Variants in C4orf51 observed in about 807,000 individuals in gnomAD.
The protein encoded by C4orf51 is uncharacterized protein C4orf51.
Under a neutral mutation model 25.2 loss-of-function variants are expected in C4orf51, and 25 were observed. That is an observed-to-expected ratio of 0.99 (90% CI 0.72 to 1.39). C4orf51 has a LOEUF of 1.39. Ranked by LOEUF, C4orf51 falls within the 40% of genes most tolerant of loss-of-function variation. The probability of loss-of-function intolerance (pLI) is 0.00; values close to 1 mark genes in which losing one functional copy is unlikely to be tolerated. For missense variants in C4orf51, 252 were observed against 239.6 expected (o/e 1.05, Z -0.34); for synonymous variants, 100 against 84.5 (o/e 1.18, Z -1.01).
chr4:145,716,087 C>A (rs143468273), intron 2 of C4orf51, among the ~76,000 whole-genome samples: 108 of 152,332 alleles, frequency 7.1e-4, no homozygotes, highest in African/African-American at 2.5e-3. Flanking sequence ...ATAACCCCCC[C>A]AAATTATCTA....
At chr4:145,749,096 T>G (rs1201043829) in intron 1 of C4orf51, among the ~76,000 whole-genome samples, 1 of 149,494 alleles carries the variant, frequency 6.7e-6, no homozygotes, top group East Asian at 1.9e-4. Context: ...TGTATATATA[T>G]TTCAAATTGT....
chr4:145,742,162 C>G (rs74669523), intron 1 of C4orf51, among the ~76,000 whole-genome samples: 6,237 of 152,266 alleles, frequency 0.041, 419 homozygotes, highest in African/African-American at 0.14. Context: ...CAATGGCCAT[C>G]AAATTGATAC....
intron 1 of C4orf51, among the ~76,000 whole-genome samples, chr4:145,751,564 G>A (rs980496591): frequency 6.6e-6 from 1 of 152,178 alleles, no homozygotes; most frequent in African/African-American, 2.4e-5. Flanking sequence ...CTACCACTGG[G>A]ACTACACTGG....
At chr4:145,739,708 T>C (rs768621107) in intron 1 of C4orf51, among the ~76,000 whole-genome samples, 18 of 152,212 alleles carry the variant, frequency 1.2e-4, no homozygotes, top group Non-Finnish European at 2.6e-4. Context: ...GAGAGCTTTT[T>C]CCTCTACTTC....
In C4orf51 at chr4:145,765,716, G is replaced by A. The variant is rs140573202; in HGVS notation, n.167-5272G>A. On this transcript the variant is annotated intron_variant and non_coding_transcript_variant, in intron 1 of 1. Coordinates refer to the C4orf51 transcript ENST00000510096. This position sits in a 1 kb window ranked among gnomAD's most constrained non-coding sequence, Gnocchi z 4.7. ...AGGATGAAGAGGGGCTATTTGATTC[G>A]CTGGGGGTCTTCCTGTCTTCCCCTG... The A allele has an allele frequency of 2.9e-5, 46 of 1,613,824 alleles. No homozygotes were observed. The African/African-American group carries it at 3.6e-4, about 13-fold the overall frequency.
intron 1 of C4orf51, among the ~76,000 whole-genome samples, chr4:145,683,028 C>T (rs367829077): frequency 3.3e-5 from 5 of 151,540 alleles, no homozygotes; most frequent in South Asian, 2.1e-4. Context: ...AAAAAAATCC[C>T]GGAACTAATA....
At chr4:145,736,705 C>T (rs115820993), downstream of C4orf51, among the ~76,000 whole-genome samples, 177 of 152,298 alleles carry the variant, frequency 1.2e-3, no homozygotes, top group African/African-American at 4.1e-3. Flanking sequence ...GAGCCTGAAG[C>T]GTTGCCAGTG....
At chr4:145,724,334 A>C (rs1172213610) in intron 2 of C4orf51, among the ~76,000 whole-genome samples, 1 of 152,156 alleles carries the variant, frequency 6.6e-6, no homozygotes, top group Admixed American at 6.5e-5. Context: ...GCTATGAAAA[A>C]GTGGGTTTTT....
At chr4:145,685,465 C>T (rs1256439306) in intron 1 of C4orf51, among the ~76,000 whole-genome samples, 1 of 152,178 alleles carries the variant, frequency 6.6e-6, no homozygotes, top group Admixed American at 6.5e-5. Context: ...CCTCAGTGAG[C>T]AATTCCTGTC....
At chr4:145,789,580 T>C in the C4orf51 span, among the ~76,000 whole-genome samples, 1 of 152,190 alleles carries the variant, frequency 6.6e-6, no homozygotes, top group Non-Finnish European at 1.5e-5. Flanking sequence ...GCAAAAACAG[T>C]ATCAGGCTCA....
chr4:145,721,672 T>C (rs914076733), intron 2 of C4orf51, among the ~76,000 whole-genome samples: 2 of 152,330 alleles, frequency 1.3e-5, no homozygotes, highest in South Asian at 2.1e-4. Flanking sequence ...CAAGGGAACA[T>C]TGGCAGCCAA....
At position 145,729,462 on chromosome 4, in the gene C4orf51, C is replaced by T. The variant is rs549809467; in HGVS notation, c.427+233C>T. On this transcript the variant is annotated intron_variant, in intron 4 of 5. Transcript: ENST00000438731. ...GACTACCGGCGCCCGCCACCACACC[C>T]GGCTAATTTTTTGTATTTTTAGTAG... 2.5e-3 allele frequency among the ~76,000 whole-genome samples: 378 copies of T among 151,902 alleles called. 3 individuals carry two copies. Among genetic ancestry groups the T allele is most frequent in the African/African-American group, 8.4e-3 (345 of 41,312 alleles).
intron 2 of C4orf51, among the ~76,000 whole-genome samples, chr4:145,721,961 G>A (rs1237630066): frequency 6.6e-6 from 1 of 152,078 alleles, no homozygotes; most frequent in East Asian, 1.9e-4. Flanking sequence ...ATGTAATTTG[G>A]GATGCTCCTT....
At chr4:145,735,495 G>A (rs543290811), downstream of C4orf51, among the ~76,000 whole-genome samples, 2 of 152,270 alleles carry the variant, frequency 1.3e-5, no homozygotes, top group South Asian at 2.1e-4. Context: ...GGTGGGAGGG[G>A]TTGGAATTTG....
Position 145,765,113 on chromosome 4 carries a change from C to T in C4orf51, n.167-5875C>T. 1.2e-6 allele frequency: 2 copies of T among 1,613,964 alleles called. No individual in the cohort carries two copies. The highest frequency in any genetic ancestry group is 1.7e-6 in the Non-Finnish European group (2 of 1,179,972). On this transcript the variant is annotated intron_variant and non_coding_transcript_variant, in intron 1 of 1. Transcript: ENST00000510096. The surrounding 1 kb of genome is among the most constrained non-coding windows in gnomAD (Gnocchi z 4.7). ...TGATGAGGTGTATCTGCAGATGACG[C>T]TCAAACATGTTCTTCGTCTTGCAGA... is the stretch of plus-strand genomic sequence containing the variant.
rs552170119 is a variant in C4orf51, at chr4:145,698,676, C to T, written c.307+2044C>T. ...TTGATGTTTGTGAGGCATGTCTGAC[C>T]CCCACTTCCCATCATGCCCTGAACT... On this transcript the variant is annotated intron_variant, in intron 2 of 5. Coordinates refer to ENST00000438731, the MANE Select transcript of C4orf51 (RefSeq NM_001080531.3). Among the ~76,000 whole-genome samples the T allele has an allele frequency of 1.1e-4, 16 of 152,196 alleles. No individual in the cohort carries two copies. The South Asian group carries it at 2.9e-3, about 28-fold the overall frequency.
At chr4:145,786,520 G>T in the C4orf51 span, among the ~76,000 whole-genome samples, 1 of 152,190 alleles carries the variant, frequency 6.6e-6, no homozygotes, top group African/African-American at 2.4e-5. Flanking sequence ...CATGATCAAG[G>T]CTGGAATGTT....
downstream of C4orf51, chr4:145,758,881 G>C (rs1409127620): frequency 6.6e-6 from 1 of 152,406 alleles, no homozygotes; most frequent in Non-Finnish European, 1.5e-5. Flanking sequence ...TAGGTGTGGG[G>C]AAGAGGGGCT....
At chr4:145,731,005 G>A (rs1032299784) in intron 5 of C4orf51, among the ~76,000 whole-genome samples, 1 of 152,182 alleles carries the variant, frequency 6.6e-6, no homozygotes, top group Non-Finnish European at 1.5e-5. Context: ...CCAGTGCGGT[G>A]GCAGACTGTG....
Sources: gnomAD v4.1 joint callset for allele counts (sites outside exome capture counted in the v4.1 genomes callset) on GRCh38, gnomAD v4.1.1 for gene constraint, Gnocchi (gnomAD v3.1) non-coding constraint, MANE v1.5 for transcripts, NCBI Gene and HGNC (gene_info 2026-07-23, HGNC 2026-07-21) for gene names.